Variants in NRAP observed in about 807,000 individuals in gnomAD.
NRAP encodes nebulin-related-anchoring protein.
Under a neutral mutation model 225.9 loss-of-function variants are expected in NRAP, and 189 were observed. The observed-to-expected ratio is 0.84, with a 90% confidence interval of 0.74 to 0.94. NRAP has a LOEUF of 0.94. NRAP is among the 40% of genes least tolerant of loss of function. NRAP has a pLI of 0.00. For missense variants in NRAP, 2,176 were observed against 2,168.7 expected, an observed-to-expected ratio of 1.00 and a Z score of -0.07; for synonymous variants, 769 against 790.7, an observed-to-expected ratio of 0.97 and a Z score of 0.46.
At chr10:113,657,198 G>A (rs1221023377) in intron 4 of NRAP, among the ~76,000 whole-genome samples, 1 of 152,156 alleles carries the variant, frequency 6.6e-6, no homozygotes, top group East Asian at 1.9e-4. Context: ...GCTGAGTGAA[G>A]TGTCAGAGAA....
chr10:113,602,873 G>A (rs1846689792), intron 35 of NRAP, among the ~76,000 whole-genome samples: 1 of 152,152 alleles, frequency 6.6e-6, no homozygotes, highest in African/African-American at 2.4e-5. Context: ...GTCTCTCAGG[G>A]ACATTTGTTT....
intron 14 of NRAP, among the ~76,000 whole-genome samples, 190 bp downstream of exon 14, chr10:113,640,037 C>T (rs1410888104): frequency 6.6e-6 from 1 of 152,196 alleles, no homozygotes; most frequent in African/African-American, 2.4e-5. Context: ...CATTGAAAAT[C>T]TAAGGGTGTG....
rs1891762 is a variant in NRAP, at chr10:113,657,530, G to T, written c.300C>A (p.His100Gln). 37 of 1,607,546 alleles carry T rather than the reference G, an allele frequency of 2.3e-5. No individual in the cohort carries two copies. Among genetic ancestry groups the T allele is most frequent in the Non-Finnish European group, 3.0e-5 (35 of 1,174,230 alleles). ...EDGEQCKSVF[H>Q]WDMKSKDKEG... ...CCTTATCCTTGGATTTCATGTCCCA[G>T]TGAAAAACTGATTTACACTGTTCAC... The change falls in exon 4 of 42, where the codon CAC (histidine) becomes CAA (glutamine). Residue 100 changes from histidine (H) to glutamine (Q), a missense_variant. Physicochemically the swap from His to Gln is conservative, Grantham distance 24. Around this residue, in one of 3 missense-constraint regions of NRAP, gnomAD observed 1,708 missense variants for 1,695.5 expected, o/e 1.01. Transcript: ENST00000359988.
At position 113,647,383 on chromosome 10, in the gene NRAP, G is replaced by A. The variant is rs1307888696; in HGVS notation, c.889-356C>T. 4.6e-5 allele frequency among the ~76,000 whole-genome samples: 7 copies of A among 152,132 alleles called. No individual in the cohort carries two copies. The East Asian group carries it at 1.4e-3, about 29-fold the overall frequency. On this transcript the variant is annotated intron_variant, in intron 9 of 41. Transcript: ENST00000359988. ...AGTCCTTTGTCTTCCAGTAGGTCTC[G>A]AACACTACCTTACTCACACCCAGTG...
chr10:113,615,356 G>A (rs1847589674), intron 27 of NRAP, among the ~76,000 whole-genome samples: 2 of 152,180 alleles, frequency 1.3e-5, no homozygotes, highest in South Asian at 4.1e-4. Context: ...TTTTGGAGAG[G>A]AGGAGTTAAG....
intron 36 of NRAP, 27 bp from the exon 37 acceptor site, chr10:113,597,211 T>A (rs754289675): frequency 4.3e-6 from 6 of 1,405,818 alleles, no homozygotes; most frequent in South Asian, 2.3e-5. Context: ...AAGATTCTCA[T>A]GAAACACAGT....
intron 4 of NRAP, among the ~76,000 whole-genome samples, chr10:113,655,768 T>C (rs545412531): frequency 4.4e-4 from 67 of 152,314 alleles, no homozygotes; most frequent in African/African-American, 1.4e-3. Context: ...CCATACTTAA[T>C]GGTGCACCTA....
Position 113,590,758 on chromosome 10 carries a change from G to A in NRAP, c.4776C>T (p.Asp1592=), listed in dbSNP as rs1400096725. The A allele has an allele frequency of 1.2e-6, 2 of 1,614,230 alleles. No homozygotes were observed. The highest frequency in any genetic ancestry group is 2.2e-5 in the South Asian group (2 of 91,088). The change falls in exon 40 of 42, where the codon GAC becomes GAT. Residue 1592 remains aspartate (D), a synonymous_variant. Transcript: ENST00000359988. The part of the protein sequence containing the change: ...RLQSDNEYKK[D]FAKSRSQFHS... ...GAAACTGGGACCGACTCTTGGCAAA[G>A]TCCTTCTTGTACTCATTGTCACTCT...
chr10:113,616,902 C>G (rs182179578), intron 26 of NRAP, among the ~76,000 whole-genome samples: 26 of 152,198 alleles, frequency 1.7e-4, no homozygotes, highest in Non-Finnish European at 3.4e-4. Flanking sequence ...GACCCTGCAA[C>G]CCTGCACCCC....
rs1318227712 is a variant in NRAP at position 113,631,870 on chromosome 10, T to G, written c.1727A>C (p.Glu576Ala). The change falls in exon 17 of 42, where the codon GAG (glutamate) becomes GCG (alanine). Residue 576 changes from glutamate to alanine, a missense_variant. By Grantham distance (107) the Glu-to-Ala change is moderately radical (BLOSUM62 -1). Coordinates refer to ENST00000359988, the MANE Select transcript of NRAP (RefSeq NM_198060.4). Reference sequence around the variant, plus strand: ...GAGGAAACGTACATTGCTAGCAAGCTCCCCAGAGGCTTTGGCGGCCAGCAG... The same window carrying G: ...GAGGAAACGTACATTGCTAGCAAGCGCCCCAGAGGCTTTGGCGGCCAGCAG... Reference protein sequence around the residue: ...MSLLAAKASGELASNIKYKEE... With the variant: ...MSLLAAKASGALASNIKYKEE... 6.2e-7 allele frequency: 1 copy of G among 1,609,054 alleles called. No homozygotes were observed. Among genetic ancestry groups the G allele is most frequent in the East Asian group, 2.2e-5 (1 of 44,866 alleles).
chr10:113,652,827 T>C (rs1592866651), intron 6 of NRAP, 108 bp downstream of exon 6: 1 of 728,252 alleles, frequency 1.4e-6, no homozygotes. Flanking sequence ...ACACTAATGG[T>C]ACCTACTTCC....
At chr10:113,589,138 C>T in intron 41 of NRAP, 59 bp from the exon 42 acceptor site, 1 of 1,434,390 alleles carries the variant, frequency 7.0e-7, no homozygotes, top group African/African-American at 1.4e-5. Context: ...CACTCCCGGC[C>T]CCGGTTCCCA....
intron 26 of NRAP, among the ~76,000 whole-genome samples, chr10:113,616,842 T>A (rs944647976): frequency 2.6e-5 from 4 of 152,158 alleles, no homozygotes; most frequent in East Asian, 3.9e-4. Context: ...TTAATCTACA[T>A]CACAAAGTGT....
intron 5 of NRAP, 51 bp from the exon 6 acceptor site, chr10:113,653,090 C>T (rs923367579): frequency 9.8e-7 from 1 of 1,022,298 alleles, no homozygotes; most frequent in Admixed American, 2.5e-5. Context: ...TATTGAATGA[C>T]AACTAAGAAA....
intron 18 of NRAP, among the ~76,000 whole-genome samples, chr10:113,631,122 C>A (rs1272956403): frequency 6.6e-6 from 1 of 152,176 alleles, no homozygotes; most frequent in Non-Finnish European, 1.5e-5. Context: ...CAGGACAGCA[C>A]CACAATAAGC....
At chr10:113,607,889 GAA>G (rs1847092838) in intron 32 of NRAP, among the ~76,000 whole-genome samples, 1 of 152,190 alleles carries the variant, frequency 6.6e-6, no homozygotes. Context: ...CTGGATACAT[GAA>G]AGTGTAAATT....
At position 113,650,432 on chromosome 10, in the gene NRAP, A is replaced by G; in HGVS notation, c.783+6T>C. The G allele has an allele frequency of 6.3e-7, 1 of 1,596,510 alleles. No homozygotes were observed. The highest frequency in any genetic ancestry group is 8.6e-7 in the Non-Finnish European group (1 of 1,163,736). ...CTAACATGACCACATTGTCAAGGAC[A>G]CTTACATCACTTGCCAGCTCATTGG... On this transcript the variant is annotated splice_donor_region_variant and intron_variant, in intron 8 of 41. Coordinates refer to ENST00000359988, the MANE Select transcript of NRAP (RefSeq NM_198060.4).
Position 113,622,192 on chromosome 10 carries a change from G to C in NRAP, c.2458-12C>G, listed in dbSNP as rs778180159. ...TCCTTGTACTTCACCTAAATAAGAG[G>C]AATAGAGCAGGGATACATTAGAACC... On this transcript the variant is annotated splice_polypyrimidine_tract_variant and intron_variant, in intron 23 of 41. Coordinates refer to ENST00000359988, the MANE Select transcript of NRAP (RefSeq NM_198060.4). 4 of 1,587,144 alleles carry C rather than the reference G, an allele frequency of 2.5e-6. No individual in the cohort carries two copies. The East Asian group carries it at 6.7e-5, about 27-fold the overall frequency.
At chr10:113,632,836 T>G (rs565035979) in intron 16 of NRAP, among the ~76,000 whole-genome samples, 15 of 151,986 alleles carry the variant, frequency 9.9e-5, no homozygotes, top group African/African-American at 3.1e-4. Flanking sequence ...TGTAGGGGGG[T>G]GTGTGTGTGT....
Sources: gnomAD v4.1 joint callset for allele counts (sites outside exome capture counted in the v4.1 genomes callset) on GRCh38, gnomAD v4.1.1 for gene constraint, gnomAD v4.1.1 regional missense constraint, MANE v1.5 for transcripts, NCBI Gene and HGNC (gene_info 2026-07-23, HGNC 2026-07-21) for gene names.